Variants in CCPG1 observed in about 807,000 individuals in gnomAD.
The protein encoded by CCPG1 is cell cycle progression 1, also known as cell cycle progression protein 1.
In CCPG1, 46 loss-of-function variants were observed where a neutral mutation model predicts 81.3. That is an observed-to-expected ratio of 0.57 (90% CI 0.45 to 0.72). CCPG1 has a LOEUF of 0.72. Ranked by LOEUF, CCPG1 falls within the 30% of genes least tolerant of loss-of-function variation. The pLI is 0.00. For missense variants in CCPG1, 902 were observed against 937.6 expected, an observed-to-expected ratio of 0.96 and a Z score of 0.50; for synonymous variants, 330 against 305.2, an observed-to-expected ratio of 1.08 and a Z score of -0.85.
chr15:55,379,058 C>T (rs908563937), intron 3 of CCPG1, among the ~76,000 whole-genome samples: 2 of 150,788 alleles, frequency 1.3e-5, no homozygotes, highest in African/African-American at 2.5e-5. Flanking sequence ...AAAGTTTATT[C>T]GAAGTTTCTA....
chr15:55,372,271 A>G, intron 5 of CCPG1: 1 of 567,208 alleles, frequency 1.8e-6, no homozygotes. Flanking sequence ...TAATCATACT[A>G]TTTGGTGCTT....
intron 3 of CCPG1, among the ~76,000 whole-genome samples, chr15:55,381,966 C>A (rs1421693699): frequency 6.6e-6 from 1 of 152,216 alleles, no homozygotes; most frequent in Non-Finnish European, 1.5e-5. Context: ...ATGCTGTAAT[C>A]TATTAAGTGT....
intron 1 of CCPG1, among the ~76,000 whole-genome samples, chr15:55,392,371 C>T (rs984961512): frequency 4.0e-5 from 6 of 151,838 alleles, no homozygotes; most frequent in African/African-American, 1.4e-4. Flanking sequence ...GCCACCATGC[C>T]CAGCTAATTT....
chr15:55,380,584 C>G (rs566444553), intron 3 of CCPG1, among the ~76,000 whole-genome samples: 3 of 151,942 alleles, frequency 2.0e-5, no homozygotes, highest in South Asian at 4.2e-4. Flanking sequence ...CATGAGCTAC[C>G]GCGCCCGGTC....
intron 1 of CCPG1, among the ~76,000 whole-genome samples, chr15:55,406,997 G>A (rs1358614351): frequency 6.7e-6 from 1 of 149,042 alleles, no homozygotes; most frequent in African/African-American, 2.5e-5. Context: ...GGCGGATCAC[G>A]AGGTCAGGAG....
chr15:55,371,368 T>C (rs1006830927), intron 6 of CCPG1, among the ~76,000 whole-genome samples: 24 of 152,162 alleles, frequency 1.6e-4, no homozygotes, highest in African/African-American at 4.6e-4. Flanking sequence ...AACCTCAAAG[T>C]AGAAATAATG....
Position 55,355,979 on chromosome 15 carries a change from T to A in CCPG1, c.*241A>T. On this transcript the variant is annotated 3_prime_UTR_variant, in exon 9 of 9. Coordinates refer to ENST00000442196, the MANE Select transcript of CCPG1 (RefSeq NM_001204450.2). ...TCTGTTGCATGCCTGGCTTCCTTAATAAAACTACAGTTGAACATTTCCAGT... is the reference window on the plus strand; with the variant it reads ...TCTGTTGCATGCCTGGCTTCCTTAAAAAAACTACAGTTGAACATTTCCAGT... 2.1e-6 allele frequency: 1 copy of A among 473,150 alleles called. No individual in the cohort carries two copies. The highest frequency in any genetic ancestry group is 3.7e-6 in the Non-Finnish European group (1 of 271,576). 29.3% of individuals were successfully genotyped at this position (473,150 alleles called of 1,614,324 possible). A position where few individuals can be genotyped will look rare whatever the true frequency, so the allele number is the denominator to read the frequency against.
intron 4 of CCPG1, among the ~76,000 whole-genome samples, chr15:55,377,853 G>A (rs991330443): frequency 6.6e-6 from 1 of 152,156 alleles, no homozygotes; most frequent in Non-Finnish European, 1.5e-5. Flanking sequence ...CTATAATTGT[G>A]AGAAATAAAT....
Position 55,365,314 on chromosome 15 carries a change from AAT to A in CCPG1, c.707-7_707-6del. 6.7e-7 allele frequency: 1 copy of A among 1,499,924 alleles called. No individual in the cohort carries two copies. Among genetic ancestry groups the A allele is most frequent in the Non-Finnish European group, 9.1e-7 (1 of 1,098,844 alleles). The allele number at this position is 1,499,924 out of a possible 1,614,324, so 92.9% of individuals were successfully genotyped here. Reference sequence around the variant, plus strand: ...GCTTCTGAATCTGAATTGTGCCTAAAATAAATATTTTTATTAAAGGTATGTAA... The same window carrying A: ...GCTTCTGAATCTGAATTGTGCCTAAAAAATATTTTTATTAAAGGTATGTAA... On this transcript the variant is annotated splice_polypyrimidine_tract_variant and splice_region_variant and intron_variant, in intron 6 of 8. Coordinates refer to ENST00000442196, the MANE Select transcript of CCPG1 (RefSeq NM_001204450.2).
Position 55,359,919 on chromosome 15 carries a change from A to G in CCPG1, c.1854T>C (p.Cys618=), listed in dbSNP as rs1234305691. Residue 618 remains cysteine (C), a synonymous_variant, in exon 8 of 9, where the codon TGT becomes TGC. Coordinates refer to ENST00000442196, the MANE Select transcript of CCPG1 (RefSeq NM_001204450.2). ...TTCTGAAAGAATGAGAATTTTCTCTACAATCATGCCCAGGACTGCATTTCT... is the reference window on the plus strand; with the variant it reads ...TTCTGAAAGAATGAGAATTTTCTCTGCAATCATGCCCAGGACTGCATTTCT... ...NSKKCSPGHD[C]RENSHSFRKA... 2 of 1,613,672 alleles carry G rather than the reference A, an allele frequency of 1.2e-6. No homozygotes were observed. Among genetic ancestry groups the G allele is most frequent in the Non-Finnish European group, 1.7e-6 (2 of 1,179,992 alleles).
At position 55,356,172 on chromosome 15, in the gene CCPG1, A is replaced by G; in HGVS notation, c.*48T>C. Reference sequence around the variant, plus strand: ...TAGTTTCAATACCAAACATTATACAAAGCATAAATTTTTCTCTTACAGTTG... The same window carrying G: ...TAGTTTCAATACCAAACATTATACAGAGCATAAATTTTTCTCTTACAGTTG... On this transcript the variant is annotated 3_prime_UTR_variant, in exon 9 of 9. Transcript: ENST00000442196. 7.3e-7 allele frequency: 1 copy of G among 1,377,780 alleles called. No homozygotes were observed. Among genetic ancestry groups the G allele is most frequent in the Non-Finnish European group, 9.8e-7 (1 of 1,024,700 alleles). The allele number at this position is 1,377,780 out of a possible 1,614,324, so 85.3% of individuals were successfully genotyped here.
At chr15:55,366,990 T>A (rs1432635399) in intron 6 of CCPG1, among the ~76,000 whole-genome samples, 4 of 152,210 alleles carry the variant, frequency 2.6e-5, no homozygotes, top group Non-Finnish European at 4.4e-5. Context: ...GATCACTATT[T>A]CTTCCCTTAC....
At chr15:55,373,002 T>C (rs200771662) in intron 5 of CCPG1, 215 of 534,732 alleles carry the variant, frequency 4.0e-4, no homozygotes, top group Non-Finnish European at 7.2e-4. Context: ...CTCTAGTAAA[T>C]ATGTCAGCAT....
intron 1 of CCPG1, among the ~76,000 whole-genome samples, chr15:55,400,678 C>T (rs1023368889): frequency 6.6e-6 from 1 of 152,210 alleles, no homozygotes; most frequent in Non-Finnish European, 1.5e-5. Flanking sequence ...CACAATCCCA[C>T]CAACAGAGTA....
intron 1 of CCPG1, among the ~76,000 whole-genome samples, chr15:55,405,099 G>A (rs1281054262): frequency 1.3e-5 from 2 of 152,046 alleles, no homozygotes; most frequent in African/African-American, 2.4e-5. Flanking sequence ...AGTGGGTCAC[G>A]TCTGTAATCC....
At chr15:55,390,945 T>G (rs1430096068) in intron 1 of CCPG1, among the ~76,000 whole-genome samples, 4 of 152,214 alleles carry the variant, frequency 2.6e-5, no homozygotes, top group Non-Finnish European at 2.9e-5. Flanking sequence ...CCAGGCAGTT[T>G]ATAACTCTAC....
intron 6 of CCPG1, 81 bp from the exon 7 acceptor site, chr15:55,365,390 C>A: frequency 2.5e-6 from 2 of 810,674 alleles, no homozygotes; most frequent in Non-Finnish European, 2.0e-6. Flanking sequence ...TATTGGTAAT[C>A]TGCATATAAG....
chr15:55,395,295 GAA>G (rs111778909), intron 1 of CCPG1, among the ~76,000 whole-genome samples: 105 of 143,224 alleles, frequency 7.3e-4, no homozygotes, highest in African/African-American at 2.5e-3. Context: ...ACAATCAAAG[GAA>G]AAAAAAAAAA....
chr15:55,361,143 C>A (rs535296988), intron 7 of CCPG1, among the ~76,000 whole-genome samples, 199 bp from the exon 8 acceptor site: 5 of 151,684 alleles, frequency 3.3e-5, no homozygotes, highest in Admixed American at 6.6e-5. Flanking sequence ...AGAGCTACAT[C>A]AAATTGAGAA....
Sources: allele counts gnomAD v4.1 joint callset (sites outside exome capture counted in the v4.1 genomes callset), GRCh38; gene constraint gnomAD v4.1.1; transcripts MANE v1.5; gene names NCBI Gene and HGNC (gene_info 2026-07-23, HGNC 2026-07-21).